SPATA6L: variants seen among roughly 807,000 people sequenced by gnomAD.
SPATA6L encodes the protein spermatogenesis associated 6 like.
In SPATA6L, 68 loss-of-function variants were observed where a neutral mutation model predicts 49.2. That is an observed-to-expected ratio of 1.38 (90% confidence interval 1.14 to 1.69). The LOEUF (loss-of-function observed/expected upper bound fraction) is 1.69, where lower values mean the gene tolerates loss of function less well. Ranked by LOEUF, SPATA6L falls within the 40% of genes most tolerant of loss-of-function variation. The pLI, the probability that SPATA6L is intolerant of heterozygous loss-of-function variation, is 0.00. For missense variants in SPATA6L, 668 were observed against 464.3 expected (o/e 1.44, Z -4.03); for synonymous variants, 198 against 165.7 (o/e 1.19, Z -1.50).
At position 4,662,045 on chromosome 9, in the gene SPATA6L, G is replaced by C. The variant is rs761885122; in HGVS notation, c.40-9C>G. ...ACTCCTGGGCAAGAAATCTTAAAAA[G>C]AAAGAAAACAACAAACAAGGGAGAG... On this transcript the variant is annotated splice_polypyrimidine_tract_variant and intron_variant, in intron 1 of 11. Transcript: ENST00000682582. This position sits in a 1 kb window ranked among gnomAD's most constrained non-coding sequence, Gnocchi z 4.9. The C allele has an allele frequency of 3.1e-6, 5 of 1,612,646 alleles. No homozygotes were observed. Among genetic ancestry groups the C allele is most frequent in the Admixed American group, 1.7e-5 (1 of 59,598 alleles).
chr9:4,612,666 G>C (rs572900138), intron 9 of SPATA6L, among the ~76,000 whole-genome samples: 4 of 152,212 alleles, frequency 2.6e-5, no homozygotes, highest in Non-Finnish European at 5.9e-5. Context: ...TTTACTCCTA[G>C]AGTGAAATTG....
chr9:4,646,634 TA>T (rs3842215), intron 3 of SPATA6L: 33,671 of 478,386 alleles, frequency 0.07, 2,037 homozygotes, highest in East Asian at 0.24. Context: ...GTAATAATAA[TA>T]AAAATAATAA....
intron 1 of SPATA6L, among the ~76,000 whole-genome samples, chr9:4,665,477 C>T (rs965699582): frequency 6.6e-6 from 1 of 152,234 alleles, no homozygotes; most frequent in East Asian, 1.9e-4. Context: ...TGAAACCACA[C>T]CATTTGCCAA....
intron 4 of SPATA6L, among the ~76,000 whole-genome samples, chr9:4,629,769 G>GTGTGTGTA (rs1311805859): frequency 1.4e-3 from 138 of 101,914 alleles, no homozygotes; most frequent in African/African-American, 4.8e-3. Context: ...GTGTGTGTGT[G>GTGTGTGTA]TATATATATA....
At chr9:4,664,397 C>T (rs554407579) in intron 1 of SPATA6L, 10 of 167,022 alleles carry the variant, frequency 6.0e-5, no homozygotes, top group Non-Finnish European at 1.2e-4. Context: ...TTTTAGGTAA[C>T]AGTATTTAAC....
rs540974524 is a variant in SPATA6L at position 4,606,150 on chromosome 9, G to A, written c.996-710C>T. ...ACCCACCTGGCTCGGAGGGTCCTACGCCCACGGAGTCTCGCTGATTGCTAG... is the reference window on the plus strand; with the variant it reads ...ACCCACCTGGCTCGGAGGGTCCTACACCCACGGAGTCTCGCTGATTGCTAG... On this transcript the variant is annotated intron_variant, in intron 9 of 11. Transcript: ENST00000682582. Among the ~76,000 whole-genome samples, 48 of 151,952 alleles carry A rather than the reference G, an allele frequency of 3.2e-4. 2 individuals carry two copies. In the South Asian group the frequency reaches 5.8e-3, roughly 18 times the overall value.
At chr9:4,663,359 G>T in intron 1 of SPATA6L, 1 of 1,289,188 alleles carries the variant, frequency 7.8e-7, no homozygotes, top group South Asian at 1.4e-5. Context: ...TCCCTCTTAG[G>T]CATTTCAGGC....
chr9:4,622,427 A>G lies in SPATA6L; in HGVS notation c.753T>C (p.Phe251=), dbSNP rs1003750510. The G allele has an allele frequency of 6.2e-7, 1 of 1,612,608 alleles. No homozygotes were observed. The highest frequency in any genetic ancestry group is 8.5e-7 in the Non-Finnish European group (1 of 1,178,694). The change falls in exon 7 of 12, where the codon TTT becomes TTC. Residue 251 remains phenylalanine, a synonymous_variant. Coordinates refer to ENST00000682582, the MANE Select transcript of SPATA6L (RefSeq NM_001353486.2). The stretch of plus-strand genomic sequence containing the variant: ...GAGTACCTCTTCTCGTTGGAAACGG[A>G]AAGTCTGAAAACTTAGATTTTCTTC... The part of the protein sequence containing the change: ...RSRRKSKFSD[F]PFPTRRASSL...
chr9:4,611,708 T>A lies in SPATA6L; in HGVS notation c.995+6215A>T, dbSNP rs559062635. Among the ~76,000 whole-genome samples the A allele has an allele frequency of 6.9e-3, 1,032 of 148,796 alleles. 7 individuals carry two copies. Among genetic ancestry groups the A allele is most frequent in the Non-Finnish European group, 9.9e-3 (667 of 67,196 alleles). On this transcript the variant is annotated intron_variant, in intron 9 of 11. Coordinates refer to ENST00000682582, the MANE Select transcript of SPATA6L (RefSeq NM_001353486.2). ...GATACACCTAATGCTAGATGACGAG[T>A]TAGTGGGTGCAGCGCACCAGCGTGG...
chr9:4,665,023 A>G (rs759391916), intron 1 of SPATA6L: 11 of 167,120 alleles, frequency 6.6e-5, no homozygotes, highest in Non-Finnish European at 1.3e-4. Flanking sequence ...AGTGTCCACA[A>G]ATCTGAATAT....
chr9:4,629,211 A>G (rs1266238977), intron 4 of SPATA6L, 43 bp from the exon 5 acceptor site: 1 of 1,396,966 alleles, frequency 7.2e-7, no homozygotes, highest in Admixed American at 1.9e-5. Context: ...TACTAGAAAC[A>G]GTTCTTTAGC....
chr9:4,617,866 AC>A, intron 9 of SPATA6L, 56 bp downstream of exon 9: 1 of 1,445,788 alleles, frequency 6.9e-7, no homozygotes, highest in Non-Finnish European at 9.3e-7. Context: ...ACCCAGCTTT[AC>A]CCCTGCCAGG....
At chr9:4,630,156 C>G (rs1251294976) in intron 4 of SPATA6L, among the ~76,000 whole-genome samples, 5 of 151,838 alleles carry the variant, frequency 3.3e-5, no homozygotes, top group African/African-American at 1.2e-4. Context: ...TGAGGAAGTG[C>G]CTATAAAGGG....
At chr9:4,629,769 G>GTGTGTGTATATATATATATATT (rs1311805859) in intron 4 of SPATA6L, among the ~76,000 whole-genome samples, 1 of 101,936 alleles carries the variant, frequency 9.8e-6, no homozygotes, top group African/African-American at 5.0e-5. Context: ...GTGTGTGTGT[G>GTGTGTGTATATATATATATATT]TATATATATA....
intron 9 of SPATA6L, among the ~76,000 whole-genome samples, chr9:4,616,874 C>T (rs561572086): frequency 7.2e-5 from 11 of 152,148 alleles, no homozygotes; most frequent in South Asian, 2.1e-4. Flanking sequence ...CATGAGCCAC[C>T]GTGCCCAGCC....
intron 11 of SPATA6L, among the ~76,000 whole-genome samples, chr9:4,601,733 G>A (rs958271698): frequency 2.6e-5 from 4 of 152,294 alleles, no homozygotes; most frequent in African/African-American, 7.2e-5. Flanking sequence ...AAGAAAAGCC[G>A]GGACTGGGAC....
At chr9:4,644,930 A>C (rs917974408) in intron 3 of SPATA6L, among the ~76,000 whole-genome samples, 12 of 152,200 alleles carry the variant, frequency 7.9e-5, no homozygotes, top group Non-Finnish European at 1.6e-4. Flanking sequence ...CTTTCTGTAA[A>C]GGGTCAGACT....
chr9:4,662,590 C>G lies in SPATA6L; in HGVS notation c.40-554G>C, dbSNP rs1333416494. On this transcript the variant is annotated intron_variant, in intron 1 of 11. Transcript: ENST00000682582. This position sits in a 1 kb window ranked among gnomAD's most constrained non-coding sequence, Gnocchi z 4.9. ...CCAGTTCACCGCCGCGGCTCCTTCC[C>G]CCTGGCCGCGGCGGGCCCCTCGCAG... is the stretch of plus-strand genomic sequence containing the variant. 2.5e-6 allele frequency: 4 copies of G among 1,592,906 alleles called. No homozygotes were observed. The highest frequency in any genetic ancestry group is 3.4e-6 in the Non-Finnish European group (4 of 1,177,024).
At chr9:4,596,868 G>A (rs898904279), downstream of SPATA6L, among the ~76,000 whole-genome samples, 2 of 152,188 alleles carry the variant, frequency 1.3e-5, no homozygotes, top group African/African-American at 4.8e-5. Flanking sequence ...TTGCAAACTG[G>A]CTCTGACGCT....
Sources: allele counts gnomAD v4.1 joint callset (sites outside exome capture counted in the v4.1 genomes callset), GRCh38; gene constraint gnomAD v4.1.1; non-coding constraint Gnocchi (gnomAD v3.1); transcripts MANE v1.5; gene names NCBI Gene and HGNC (gene_info 2026-07-23, HGNC 2026-07-21).